The following DGKB variants were observed in gnomAD, a reference collection of about 807,000 sequenced individuals.
DGKB encodes diacylglycerol kinase beta.
Under a neutral mutation model 114.3 loss-of-function variants are expected in DGKB, and 67 were observed. The ratio of observed to expected loss-of-function variants is 0.59; its 90% CI spans 0.48 to 0.72. DGKB has a LOEUF of 0.72. Ranked by LOEUF, DGKB falls within the 30% of genes least tolerant of loss-of-function variation. The pLI, the probability that DGKB is intolerant of heterozygous loss-of-function variation, is 0.00. For missense variants in DGKB, 907 were observed against 975.2 expected (o/e 0.93, Z 0.93); for synonymous variants, 398 against 323.1 (o/e 1.23, Z -2.49).
chr7:14,553,800 G>GCAGATTAAT (rs1459164162), intron 20 of DGKB, among the ~76,000 whole-genome samples: 3 of 148,958 alleles, frequency 2.0e-5, no homozygotes, highest in Non-Finnish European at 4.4e-5. Context: ...ATATATATTT[G>GCAGATTAAT]CAGATTAATT....
intron 13 of DGKB, among the ~76,000 whole-genome samples, chr7:14,642,558 T>A (rs1812019279): frequency 6.6e-6 from 1 of 152,170 alleles, no homozygotes; most frequent in Admixed American, 6.5e-5. Flanking sequence ...GAAAAATTAA[T>A]CTAAGGTCTC....
intron 23 of DGKB, among the ~76,000 whole-genome samples, chr7:14,286,105 G>T (rs539105900): frequency 6.6e-6 from 1 of 152,018 alleles, no homozygotes; most frequent in Non-Finnish European, 1.5e-5. Flanking sequence ...TATAATTAAT[G>T]CCAGTGTACA....
intron 1 of DGKB, among the ~76,000 whole-genome samples, chr7:14,951,001 A>T (rs1239310029): frequency 1.3e-5 from 2 of 152,024 alleles, no homozygotes; most frequent in East Asian, 3.9e-4. Flanking sequence ...GCATATAATC[A>T]TGTCAATAGA....
chr7:14,881,845 A>G (rs1386464779), intron 1 of DGKB, among the ~76,000 whole-genome samples: 1 of 152,068 alleles, frequency 6.6e-6, no homozygotes, highest in African/African-American at 2.4e-5. Flanking sequence ...ACCATAACCT[A>G]AAGGTTAGTA....
intron 23 of DGKB, among the ~76,000 whole-genome samples, chr7:14,284,702 T>C (rs891054940): frequency 1.3e-5 from 2 of 151,292 alleles, no homozygotes; most frequent in Non-Finnish European, 2.9e-5. Context: ...TGAGTTCATG[T>C]CCTTTGTAGG....
chr7:14,435,105 T>A (rs1046937932), intron 21 of DGKB, among the ~76,000 whole-genome samples: 2 of 152,176 alleles, frequency 1.3e-5, no homozygotes, highest in Non-Finnish European at 2.9e-5. Context: ...TAACACTCTG[T>A]TAATTCAAAC....
At chr7:14,440,548 C>T (rs1829939645) in intron 21 of DGKB, among the ~76,000 whole-genome samples, 1 of 152,120 alleles carries the variant, frequency 6.6e-6, no homozygotes, top group South Asian at 2.1e-4. Flanking sequence ...CTGTGAGATA[C>T]ATTCAGATTG....
chr7:14,468,653 C>G (rs1345079100), intron 21 of DGKB, among the ~76,000 whole-genome samples: 1 of 151,162 alleles, frequency 6.6e-6, no homozygotes, highest in East Asian at 1.9e-4. Flanking sequence ...ACAAATACTT[C>G]CTGAAAGTTT....
chr7:14,228,886 G>C (rs1242185682), intron 23 of DGKB, among the ~76,000 whole-genome samples: 1 of 149,772 alleles, frequency 6.7e-6, no homozygotes, highest in Non-Finnish European at 1.5e-5. Context: ...TTTTTTTTCT[G>C]TGTGTGTGTG....
At chr7:14,681,055 A>T (rs1820739191) in intron 12 of DGKB, among the ~76,000 whole-genome samples, 1 of 151,938 alleles carries the variant, frequency 6.6e-6, no homozygotes, top group Non-Finnish European at 1.5e-5. Flanking sequence ...AAAAAATAAG[A>T]GGAAGCTCCC....
chr7:14,724,942 A>G (rs1391962973), intron 5 of DGKB, among the ~76,000 whole-genome samples: 2 of 152,176 alleles, frequency 1.3e-5, no homozygotes, highest in African/African-American at 4.8e-5. Flanking sequence ...GGCCAAGGCA[A>G]AAAGATCATT....
intron 1 of DGKB, among the ~76,000 whole-genome samples, chr7:14,863,364 T>C (rs1367958757): frequency 6.6e-6 from 1 of 151,380 alleles, no homozygotes; most frequent in Non-Finnish European, 1.5e-5. Flanking sequence ...AGTCATATTT[T>C]TAAACTATGG....
chr7:14,451,573 C>T (rs867423049), intron 21 of DGKB, among the ~76,000 whole-genome samples: 3 of 144,366 alleles, frequency 2.1e-5, no homozygotes, highest in African/African-American at 8.7e-5. Flanking sequence ...CTCTCTCTCT[C>T]TCCATCTAAT....
intron 15 of DGKB, among the ~76,000 whole-genome samples, chr7:14,614,505 G>C (rs1806171469): frequency 6.6e-6 from 1 of 152,004 alleles, no homozygotes; most frequent in Non-Finnish European, 1.5e-5. Flanking sequence ...CTTTACTGCA[G>C]TGTTATTTCT....
intron 1 of DGKB, among the ~76,000 whole-genome samples, chr7:14,851,477 A>G (rs984780343): frequency 6.6e-6 from 1 of 152,174 alleles, no homozygotes; most frequent in Non-Finnish European, 1.5e-5. Context: ...CCATAGGGAT[A>G]GAATCTTCTC....
intron 23 of DGKB, among the ~76,000 whole-genome samples, chr7:14,223,786 T>A (rs1790367617): frequency 6.6e-6 from 1 of 150,440 alleles, no homozygotes; most frequent in African/African-American, 2.4e-5. Context: ...TCATGGTTGA[T>A]TTTTTTTTCT....
chr7:14,734,201 ATT>A (rs34935074), intron 5 of DGKB, among the ~76,000 whole-genome samples: 4 of 149,678 alleles, frequency 2.7e-5, no homozygotes, highest in Admixed American at 6.6e-5. Context: ...TGCCCGGCTA[ATT>A]TTTTTTTTTG....
chr7:14,584,467 G>T (rs1364415953), intron 17 of DGKB, among the ~76,000 whole-genome samples: 3 of 151,974 alleles, frequency 2.0e-5, no homozygotes, highest in Non-Finnish European at 4.4e-5. Context: ...CACTACATAT[G>T]AACAACTTTA....
intron 21 of DGKB, among the ~76,000 whole-genome samples, chr7:14,418,772 T>C (rs542346696): frequency 1.3e-5 from 2 of 152,070 alleles, no homozygotes; most frequent in African/African-American, 4.8e-5. Flanking sequence ...TTGTCTTAGA[T>C]TTTAAAAGCA....
Sources: allele counts gnomAD v4.1 joint callset (sites outside exome capture counted in the v4.1 genomes callset), GRCh38; gene constraint gnomAD v4.1.1; transcripts MANE v1.5; gene names NCBI Gene and HGNC (gene_info 2026-07-23, HGNC 2026-07-21).